The following TRPV1 variants were observed in gnomAD, a reference collection of about 807,000 sequenced individuals.
TRPV1 encodes the protein transient receptor potential cation channel subfamily V member 1, also known as OTRPC1.
TRPV1 carries 82 observed loss-of-function variants against 82.3 expected under a neutral mutation model. That is an observed-to-expected ratio of 1.00 (90% CI 0.83 to 1.20). TRPV1 has a LOEUF of 1.20. Among genes scored for constraint, TRPV1 ranks in the 50% most tolerant of loss-of-function variants. The pLI is 0.00. For missense variants in TRPV1, 1,067 were observed against 1,096.8 expected (o/e 0.97, Z 0.38); for synonymous variants, 515 against 467.7 (o/e 1.10, Z -1.30).
intron 16 of TRPV1, among the ~76,000 whole-genome samples, chr17:3,567,680 G>A (rs996994552): frequency 6.6e-5 from 10 of 151,820 alleles, no homozygotes; most frequent in Non-Finnish European, 1.0e-4. Flanking sequence ...CTCAACACCA[G>A]GGCAGCTCTG....
At chr17:3,577,863 G>T in intron 11 of TRPV1, 100 bp from the exon 12 acceptor site, 1 of 1,144,660 alleles carries the variant, frequency 8.7e-7, no homozygotes, top group Non-Finnish European at 1.2e-6. Flanking sequence ...CAGACTGCAG[G>T]CCGCAATAGG....
Position 3,566,766 on chromosome 17 carries a change from A to G in TRPV1, c.*49T>C, listed in dbSNP as rs2074768624. 6.3e-7 allele frequency: 1 copy of G among 1,588,776 alleles called. No homozygotes were observed. Among genetic ancestry groups the G allele is most frequent in the South Asian group, 1.1e-5 (1 of 87,806 alleles). ...GTTCCCTCAGCAGCCCCCCGTGGCA[A>G]CGGGGTCTCCTAAGGCCCAGTGTTG... On this transcript the variant is annotated 3_prime_UTR_variant, in exon 17 of 17. Coordinates refer to ENST00000572705, the MANE Select transcript of TRPV1 (RefSeq NM_080704.4).
At chr17:3,576,109 C>A (rs2074925070) in intron 13 of TRPV1, among the ~76,000 whole-genome samples, 1 of 151,892 alleles carries the variant, frequency 6.6e-6, no homozygotes, top group East Asian at 1.9e-4. Context: ...GTAATCCCAG[C>A]TACTGGGGAG....
intron 14 of TRPV1, 58 bp from the exon 15 acceptor site, chr17:3,572,307 A>G (rs1597512155): frequency 1.3e-6 from 2 of 1,540,956 alleles, no homozygotes; most frequent in Admixed American, 1.9e-5. Flanking sequence ...TCCCGGGGCC[A>G]CCCTGGCTGC....
chr17:3,570,506 C>T (rs2150823959), intron 16 of TRPV1, among the ~76,000 whole-genome samples: 1 of 152,250 alleles, frequency 6.6e-6, no homozygotes, highest in African/African-American at 2.4e-5. Context: ...TATTTTACCA[C>T]AATTTTTTAC....
chr17:3,582,062 T>A (rs367946360), intron 10 of TRPV1, among the ~76,000 whole-genome samples: 1 of 139,450 alleles, frequency 7.2e-6, no homozygotes, highest in South Asian at 2.4e-4. Context: ...TGGTGGCGGG[T>A]GCCTGTAGTC....
At chr17:3,607,188 A>G (rs1567678686) in intron 2 of TRPV1, among the ~76,000 whole-genome samples, 3 of 152,074 alleles carry the variant, frequency 2.0e-5, no homozygotes, top group South Asian at 2.1e-4. Context: ...TACTAAAAAT[A>G]CAAAAATTAG....
chr17:3,601,519 C>A (rs945520473), intron 2 of TRPV1, among the ~76,000 whole-genome samples: 2 of 152,042 alleles, frequency 1.3e-5, no homozygotes, highest in African/African-American at 4.8e-5. Context: ...CCCCACTTAA[C>A]CCATCTTCAA....
chr17:3,580,566 T>C, intron 10 of TRPV1, 39 bp from the exon 11 acceptor site: 1 of 1,607,454 alleles, frequency 6.2e-7, no homozygotes, highest in South Asian at 1.1e-5. Context: ...CAGGCAATGC[T>C]CGATGTGGCT....
intron 14 of TRPV1, among the ~76,000 whole-genome samples, chr17:3,572,929 G>T (rs1351882063): frequency 7.0e-6 from 1 of 143,498 alleles, no homozygotes; most frequent in East Asian, 2.2e-4. Context: ...GTTGCAGTCA[G>T]CCAAGATCAT....
chr17:3,606,175 G>A (rs1028558323), intron 2 of TRPV1, among the ~76,000 whole-genome samples: 3 of 152,100 alleles, frequency 2.0e-5, no homozygotes, highest in African/African-American at 4.8e-5. Context: ...TGGCCAGGCC[G>A]GTCTCGGAAC....
At chr17:3,585,661 G>C (rs2075074761) in intron 9 of TRPV1, 107 bp downstream of exon 9, 1 of 1,388,894 alleles carries the variant, frequency 7.2e-7, no homozygotes, top group African/African-American at 1.4e-5. Context: ...CTGGGAAGGA[G>C]TCCAGGGCAG....
Position 3,573,736 on chromosome 17 carries a change from T to TAGGCCAGCAGCAGGATGATG in TRPV1, c.1980_1999dup (p.Tyr667SerfsTer9), listed in dbSNP as rs1425910105. ...CAGGAGGATGTAGGTGAGAATTACA[T>TAGGCCAGCAGCAGGATGATG]AGGCCAGCAGCAGGATGATGAAGAC... On this transcript the variant is annotated frameshift_variant, in exon 14 of 17. Transcript: ENST00000572705. LOFTEE classifies it high-confidence loss of function. 6.2e-7 allele frequency: 1 copy of TAGGCCAGCAGCAGGATGATG among 1,613,938 alleles called. No individual in the cohort carries two copies. Among genetic ancestry groups the TAGGCCAGCAGCAGGATGATG allele is most frequent in the Admixed American group, 1.7e-5 (1 of 59,958 alleles).
chr17:3,596,563 T>C lies in TRPV1; in HGVS notation c.-33-4180A>G, dbSNP rs180987861. On this transcript the variant is annotated intron_variant, in intron 2 of 16. Transcript: ENST00000572705. ...CAGAGAGGGCGACACGCTGAAAACCTCCGGCCACACACCAGCAATCTCAGC... is the reference window on the plus strand; with the variant it reads ...CAGAGAGGGCGACACGCTGAAAACCCCCGGCCACACACCAGCAATCTCAGC... 7.9e-5 allele frequency among the ~76,000 whole-genome samples: 12 copies of C among 152,226 alleles called. No homozygotes were observed. The East Asian group carries it at 1.2e-3, about 15-fold the overall frequency.
At position 3,591,358 on chromosome 17, in the gene TRPV1, G is replaced by T; in HGVS notation, c.285-5C>A. The T allele has an allele frequency of 6.4e-7, 1 of 1,564,478 alleles. No individual in the cohort carries two copies. ...ACAGAGTCCTGGGACAGCAGCCTGTGGGCCAGAAAACACGCTCGTCTCATA... is the reference window on the plus strand; with the variant it reads ...ACAGAGTCCTGGGACAGCAGCCTGTTGGCCAGAAAACACGCTCGTCTCATA... On this transcript the variant is annotated splice_region_variant and splice_polypyrimidine_tract_variant and intron_variant, in intron 3 of 16. Transcript: ENST00000572705.
chr17:3,590,285 TA>T lies in TRPV1; in HGVS notation c.711del (p.Phe237LeufsTer29), dbSNP rs768635562. 9 of 1,613,776 alleles carry T rather than the reference TA, an allele frequency of 5.6e-6. No individual in the cohort carries two copies. In the African/African-American group the frequency reaches 1.2e-4, roughly 22 times the overall value. ...DVQAAAHGDF[F>X]KKTKGRPGFY... ...AATCCAGGCCGCCCTTTGGTTTTCTTAAAGAAGTCCCCATGGGCCGCAGCCT... is the reference window on the plus strand; with the variant it reads ...AATCCAGGCCGCCCTTTGGTTTTCTTAAGAAGTCCCCATGGGCCGCAGCCT... On this transcript the variant is annotated frameshift_variant, in exon 6 of 17. Transcript: ENST00000572705. LOFTEE classifies it high-confidence loss of function.
At chr17:3,586,320 T>G (rs2075084619) in intron 8 of TRPV1, among the ~76,000 whole-genome samples, 1 of 152,212 alleles carries the variant, frequency 6.6e-6, no homozygotes, top group South Asian at 2.1e-4. Flanking sequence ...GGAAAGAGCC[T>G]CTGGGTCCTC....
chr17:3,579,651 T>C lies in TRPV1; in HGVS notation c.1547+806A>G, dbSNP rs548891395. The stretch of plus-strand genomic sequence containing the variant: ...CCACCATGCCTGCCTAATTTTTGTA[T>C]TTTTAGTAGAGACGGGGTTTCACCA... On this transcript the variant is annotated intron_variant, in intron 11 of 16. Transcript: ENST00000572705. Among the ~76,000 whole-genome samples, 3 of 152,264 alleles carry C rather than the reference T, an allele frequency of 2.0e-5. No homozygotes were observed. In the South Asian group the frequency reaches 6.2e-4, roughly 32 times the overall value.
At chr17:3,568,188 G>A (rs1357667658) in intron 16 of TRPV1, among the ~76,000 whole-genome samples, 1 of 151,718 alleles carries the variant, frequency 6.6e-6, no homozygotes, top group Non-Finnish European at 1.5e-5. Context: ...CGGGCGTAGT[G>A]GCGGGCGCCT....
Sources: gnomAD v4.1 joint callset for allele counts (sites outside exome capture counted in the v4.1 genomes callset) on GRCh38, gnomAD v4.1.1 for gene constraint, MANE v1.5 for transcripts, NCBI Gene and HGNC (gene_info 2026-07-23, HGNC 2026-07-21) for gene names.